RORA: variants seen among roughly 807,000 people sequenced by gnomAD.
The protein encoded by RORA is nuclear receptor ROR-alpha.
Under a neutral mutation model 69.5 loss-of-function variants are expected in RORA, and 7 were observed. That is an observed-to-expected ratio of 0.10 (90% CI 0.06 to 0.19). The LOEUF is 0.19. Ranked by LOEUF, RORA falls within the 10% of genes least tolerant of loss-of-function variation. The pLI, the probability that RORA is intolerant of heterozygous loss-of-function variation, is 1.00. For missense variants in RORA, 457 were observed against 663.0 expected (o/e 0.69, Z 3.41); for synonymous variants, 261 against 240.8 (o/e 1.08, Z -0.78).
intron 1 of RORA, among the ~76,000 whole-genome samples, chr15:61,224,792 C>T (rs1432750474): frequency 6.6e-6 from 1 of 152,204 alleles, no homozygotes. Context: ...TCTCACGCCT[C>T]CCTGTGTCCC....
intron 1 of RORA, among the ~76,000 whole-genome samples, chr15:60,920,743 G>A (rs969211100): frequency 6.6e-6 from 1 of 152,192 alleles, no homozygotes; most frequent in African/African-American, 2.4e-5. Context: ...ATGTGAAGAT[G>A]AATTTTATTG....
chr15:60,916,059 G>C (rs904872274), intron 1 of RORA, among the ~76,000 whole-genome samples: 2 of 152,192 alleles, frequency 1.3e-5, no homozygotes, highest in Non-Finnish European at 2.9e-5. Context: ...AAATTGACTG[G>C]AAGGAAAGAA....
intron 1 of RORA, among the ~76,000 whole-genome samples, chr15:60,996,616 T>C (rs1894545859): frequency 6.6e-6 from 1 of 152,094 alleles, no homozygotes; most frequent in African/African-American, 2.4e-5. Flanking sequence ...TTAAATACAA[T>C]ATAATATCTT....
rs1022093206 is a variant in RORA at position 60,493,860 on chromosome 15, T to A, written c.*3595A>T. On this transcript the variant is annotated 3_prime_UTR_variant, in exon 11 of 11. Coordinates refer to ENST00000335670, the MANE Select transcript of RORA (RefSeq NM_134261.3). The stretch of plus-strand genomic sequence containing the variant: ...TCTTTTTTTCCCCATCTTCTAGTTT[T>A]GATTTAAGTATTTTGAATACATTTT... 6.6e-6 allele frequency: 1 copy of A among 152,098 alleles called. No individual in the cohort carries two copies. Among genetic ancestry groups the A allele is most frequent in the African/African-American group, 2.4e-5 (1 of 41,410 alleles). 9.4% of individuals were successfully genotyped at this position (152,098 alleles called of 1,614,324 possible).
intron 1 of RORA, among the ~76,000 whole-genome samples, chr15:61,019,946 C>T (rs892581647): frequency 1.8e-4 from 27 of 152,152 alleles, no homozygotes; most frequent in African/African-American, 6.0e-4. Flanking sequence ...CGTCCTCTGA[C>T]CTCCGCTCTT....
rs530058670 is a variant in RORA, at chr15:60,867,788, G to A, written c.167-189102C>T. On this transcript the variant is annotated intron_variant, in intron 1 of 10. Transcript: ENST00000335670. ...TTCATTTCAAGAAAATGGCTACCCC[G>A]TTTTAATGATCATTTGATTAATAAG... 1.5e-4 allele frequency among the ~76,000 whole-genome samples: 23 copies of A among 152,196 alleles called. No homozygotes were observed. The South Asian group carries it at 3.9e-3, about 26-fold the overall frequency.
At chr15:60,775,597 TC>T (rs906673065) in intron 1 of RORA, among the ~76,000 whole-genome samples, 10 of 152,154 alleles carry the variant, frequency 6.6e-5, no homozygotes, top group Non-Finnish European at 1.0e-4. Context: ...TTTGCTCTTT[TC>T]CCCTCCCTGA....
At chr15:60,789,422 T>C (rs1182006064) in intron 1 of RORA, among the ~76,000 whole-genome samples, 1 of 152,276 alleles carries the variant, frequency 6.6e-6, no homozygotes, top group Non-Finnish European at 1.5e-5. Flanking sequence ...TTCTATTCCA[T>C]GGCCAAACTC....
chr15:60,591,828 G>A (rs554357978), intron 2 of RORA, among the ~76,000 whole-genome samples: 1 of 151,988 alleles, frequency 6.6e-6, no homozygotes, highest in Non-Finnish European at 1.5e-5. Context: ...GCGGACCTGC[G>A]GCACTTGCCC....
chr15:60,586,697 G>A (rs1046298223), intron 2 of RORA, among the ~76,000 whole-genome samples: 2 of 152,170 alleles, frequency 1.3e-5, no homozygotes, highest in African/African-American at 2.4e-5. Flanking sequence ...AGGTGTTCCA[G>A]CATAACCAGA....
At chr15:60,782,238 A>C (rs2072274473) in intron 1 of RORA, among the ~76,000 whole-genome samples, 1 of 152,188 alleles carries the variant, frequency 6.6e-6, no homozygotes, top group Admixed American at 6.5e-5. Context: ...AAAAAAGAAA[A>C]AAAAAGAAAT....
At chr15:60,920,439 C>T (rs954367987) in intron 1 of RORA, among the ~76,000 whole-genome samples, 1 of 152,304 alleles carries the variant, frequency 6.6e-6, no homozygotes, top group African/African-American at 2.4e-5. Context: ...CCTATCATAT[C>T]ACCCACATCC....
Position 60,514,701 on chromosome 15 carries a change from C to G in RORA, c.339G>C (p.Lys113Asn). The change falls in exon 4 of 11, where the codon AAG becomes AAC. Residue 113 changes from lysine to asparagine, a missense_variant. Around this residue, in one of 3 missense-constraint regions of RORA, gnomAD observed 34 missense variants for 123.2 expected, o/e 0.28. Coordinates refer to ENST00000335670, the MANE Select transcript of RORA (RefSeq NM_134261.3). ...SNATYSCPRQKNCLIDRTSRN... is the reference protein window; with the variant it reads ...SNATYSCPRQNNCLIDRTSRN... ...TACTGGTTCGATCAATCAAACAGTT[C>G]TTCTGACGAGGACAGGAGTAGGTGG... 1 of 1,614,026 alleles carries G rather than the reference C, an allele frequency of 6.2e-7. No individual in the cohort carries two copies.
At chr15:60,939,362 G>A (rs894226889) in intron 1 of RORA, among the ~76,000 whole-genome samples, 5 of 152,158 alleles carry the variant, frequency 3.3e-5, no homozygotes, top group Admixed American at 6.5e-5. Flanking sequence ...CTGGAGAGGA[G>A]GGGCATGCAG....
intron 1 of RORA, among the ~76,000 whole-genome samples, chr15:60,678,955 G>A (rs1158698949): frequency 6.6e-6 from 1 of 152,180 alleles, no homozygotes; most frequent in East Asian, 1.9e-4. Context: ...GGTTAAACAG[G>A]ACGCGAGGAG....
chr15:60,961,171 A>C (rs1277431641), intron 1 of RORA, among the ~76,000 whole-genome samples: 1 of 151,794 alleles, frequency 6.6e-6, no homozygotes, highest in Non-Finnish European at 1.5e-5. Flanking sequence ...CCCACATAAC[A>C]TTTCTTTTCT....
intron 10 of RORA, among the ~76,000 whole-genome samples, chr15:60,499,219 T>G (rs1018846461): frequency 2.0e-5 from 3 of 152,170 alleles, no homozygotes; most frequent in Non-Finnish European, 4.4e-5. Flanking sequence ...TTTTAGTCCT[T>G]TATAACTTCT....
At chr15:60,835,693 TCTTA>T (rs2073106044) in intron 1 of RORA, among the ~76,000 whole-genome samples, 2 of 152,232 alleles carry the variant, frequency 1.3e-5, no homozygotes, top group Admixed American at 6.5e-5. Flanking sequence ...GGTCTTTGAC[TCTTA>T]CTTCCCTGTC....
At chr15:60,779,868 T>C (rs995289313) in intron 1 of RORA, among the ~76,000 whole-genome samples, 1 of 152,220 alleles carries the variant, frequency 6.6e-6, no homozygotes, top group Non-Finnish European at 1.5e-5. Flanking sequence ...GTGGCTCATA[T>C]GCACCAAGGA....
Sources: allele counts gnomAD v4.1 joint callset (sites outside exome capture counted in the v4.1 genomes callset), GRCh38; gene constraint gnomAD v4.1.1; regional missense constraint gnomAD v4.1.1; transcripts MANE v1.5; gene names NCBI Gene and HGNC (gene_info 2026-07-23, HGNC 2026-07-21).